IMMP2L: variants seen among roughly 807,000 people sequenced by gnomAD.
IMMP2L encodes the protein mitochondrial inner membrane protease subunit 2.
In IMMP2L, 18 loss-of-function variants were observed where a neutral mutation model predicts 19.3. The observed-to-expected ratio is 0.93, with a 90% CI of 0.64 to 1.38. The LOEUF (loss-of-function observed/expected upper bound fraction) is 1.38. IMMP2L is among the 40% of genes most tolerant of loss of function. The pLI, the probability that IMMP2L is intolerant of heterozygous loss-of-function variation, is 0.00. For synonymous variants in IMMP2L, 76 were observed against 73.0 expected (o/e 1.04, Z -0.21); for missense variants, 233 against 218.2 (o/e 1.07, Z -0.43).
rs556895006 is a variant in IMMP2L, at chr7:111,426,912, A to G, written c.239+60326T>C. Among the ~76,000 whole-genome samples the G allele has an allele frequency of 1.6e-3, 241 of 151,256 alleles. 10 individuals are homozygous for G. The highest frequency in any genetic ancestry group is 2.4e-3 in the Non-Finnish European group (160 of 67,638). On this transcript the variant is annotated intron_variant, in intron 3 of 5. Coordinates refer to ENST00000405709, the MANE Select transcript of IMMP2L (RefSeq NM_032549.4). ...ATTTACCCATATACCTATTCAGGCA[A>G]TTGTACAACCATGCTTTTAAATTTG...
intron 5 of IMMP2L, among the ~76,000 whole-genome samples, chr7:110,701,504 T>C (rs111322974): frequency 0.041 from 6,294 of 152,214 alleles, 439 homozygotes; most frequent in African/African-American, 0.14. Context: ...CACTACAATC[T>C]CTGCCTCCCA....
At chr7:111,398,704 A>T (rs923843092) in intron 3 of IMMP2L, among the ~76,000 whole-genome samples, 3 of 152,048 alleles carry the variant, frequency 2.0e-5, no homozygotes, top group African/African-American at 7.2e-5. Flanking sequence ...TGCTGAAAAC[A>T]TGATCATTTA....
At chr7:111,238,040 G>A (rs182518220) in intron 3 of IMMP2L, among the ~76,000 whole-genome samples, 21 of 152,162 alleles carry the variant, frequency 1.4e-4, no homozygotes, top group Admixed American at 4.6e-4. Context: ...AAGCCCTTAT[G>A]TGAAGAAGAT....
intron 3 of IMMP2L, among the ~76,000 whole-genome samples, chr7:111,116,482 T>C (rs886075345): frequency 1.8e-4 from 27 of 152,188 alleles, no homozygotes; most frequent in African/African-American, 6.0e-4. Context: ...CATTTTACTA[T>C]ATAAATTTTG....
chr7:111,396,769 T>C (rs781052939), intron 3 of IMMP2L, among the ~76,000 whole-genome samples: 3 of 152,152 alleles, frequency 2.0e-5, no homozygotes, highest in Non-Finnish European at 4.4e-5. Context: ...TAACTTTTTC[T>C]CATAAAATAA....
chr7:111,316,628 A>T (rs1184177715), intron 3 of IMMP2L, among the ~76,000 whole-genome samples: 1 of 152,058 alleles, frequency 6.6e-6, no homozygotes, highest in East Asian at 1.9e-4. Flanking sequence ...GAATAAACAA[A>T]TTTTTTAAAA....
At chr7:111,313,978 C>T (rs1195949247) in intron 3 of IMMP2L, among the ~76,000 whole-genome samples, 1 of 150,994 alleles carries the variant, frequency 6.6e-6, no homozygotes, top group Non-Finnish European at 1.5e-5. Flanking sequence ...GCACTTTCTG[C>T]CCTCCACTCT....
At chr7:110,975,926 C>T (rs1391274415) in intron 3 of IMMP2L, among the ~76,000 whole-genome samples, 2 of 151,992 alleles carry the variant, frequency 1.3e-5, no homozygotes, top group Non-Finnish European at 2.9e-5. Context: ...AATATTGGAA[C>T]ATTAAACTAG....
At chr7:111,501,636 T>C (rs1844272328) in intron 2 of IMMP2L, among the ~76,000 whole-genome samples, 1 of 152,072 alleles carries the variant, frequency 6.6e-6, no homozygotes, top group Non-Finnish European at 1.5e-5. Context: ...CAGCAGAAAC[T>C]CTACAAGCCA....
intron 3 of IMMP2L, among the ~76,000 whole-genome samples, chr7:111,390,174 G>A (rs1832205047): frequency 2.0e-5 from 3 of 152,104 alleles, no homozygotes; most frequent in African/African-American, 7.2e-5. Context: ...CAGCTGCAGA[G>A]AACCGCCCTC....
At chr7:111,120,537 G>A (rs772807866) in intron 3 of IMMP2L, among the ~76,000 whole-genome samples, 22 of 152,102 alleles carry the variant, frequency 1.4e-4, no homozygotes, top group Admixed American at 4.6e-4. Context: ...AGATTTGGGC[G>A]GGGACACAGC....
rs1474225885 is a variant in IMMP2L at position 111,143,410 on chromosome 7, T to A, written c.240-179845A>T. ...CACTTGAGGTCAAAAATTCCAAAAATAAATCCATAACAACAGGTGTTATCC... is the reference window on the plus strand; with the variant it reads ...CACTTGAGGTCAAAAATTCCAAAAAAAAATCCATAACAACAGGTGTTATCC... On this transcript the variant is annotated intron_variant, in intron 3 of 5. Coordinates refer to ENST00000405709, the MANE Select transcript of IMMP2L (RefSeq NM_032549.4). 3.3e-5 allele frequency among the ~76,000 whole-genome samples: 5 copies of A among 152,138 alleles called. No homozygotes were observed. The East Asian group carries it at 9.7e-4, about 29-fold the overall frequency.
At chr7:111,341,625 CAT>C (rs770003848) in intron 3 of IMMP2L, among the ~76,000 whole-genome samples, 27 of 152,108 alleles carry the variant, frequency 1.8e-4, no homozygotes, top group Non-Finnish European at 3.7e-4. Flanking sequence ...GCCTTGATAA[CAT>C]ATGAAATATT....
At chr7:110,823,262 C>T (rs559814941) in intron 5 of IMMP2L, among the ~76,000 whole-genome samples, 1 of 151,940 alleles carries the variant, frequency 6.6e-6, no homozygotes, top group South Asian at 2.1e-4. Context: ...TCTGTTCTTC[C>T]AGAAAGGTAC....
intron 5 of IMMP2L, among the ~76,000 whole-genome samples, chr7:110,764,051 G>C (rs1054931548): frequency 6.6e-6 from 1 of 152,102 alleles, no homozygotes; most frequent in Non-Finnish European, 1.5e-5. Context: ...ATTCACAGAA[G>C]CCTTAAATGA....
chr7:110,674,978 C>A (rs913132784), intron 5 of IMMP2L, among the ~76,000 whole-genome samples: 1 of 152,212 alleles, frequency 6.6e-6, no homozygotes, highest in Admixed American at 6.5e-5. Flanking sequence ...CAGTCCAATT[C>A]ATATCCATTT....
chr7:111,326,365 A>T (rs967093724), intron 3 of IMMP2L, among the ~76,000 whole-genome samples: 3 of 151,870 alleles, frequency 2.0e-5, no homozygotes, highest in African/African-American at 7.2e-5. Context: ...TATAATTGAA[A>T]TATCTTTCCA....
At chr7:110,699,546 G>A (rs1054553568) in intron 5 of IMMP2L, among the ~76,000 whole-genome samples, 41 of 152,004 alleles carry the variant, frequency 2.7e-4, no homozygotes, top group African/African-American at 9.7e-4. Flanking sequence ...CGAGGCGGGC[G>A]GATCATCTGA....
At chr7:111,215,631 A>T (rs1275288685) in intron 3 of IMMP2L, among the ~76,000 whole-genome samples, 1 of 152,192 alleles carries the variant, frequency 6.6e-6, no homozygotes, top group African/African-American at 2.4e-5. Context: ...AAAAAGTATC[A>T]GATCACCCAC....
Sources: allele counts gnomAD v4.1 joint callset (sites outside exome capture counted in the v4.1 genomes callset), GRCh38; gene constraint gnomAD v4.1.1; transcripts MANE v1.5; gene names NCBI Gene and HGNC (gene_info 2026-07-23, HGNC 2026-07-21).